The following GALNT13 variants were observed in gnomAD, a reference collection of about 807,000 sequenced individuals.
GALNT13 encodes UDP-GalNAc:polypeptide N-acetylgalactosaminyltransferase 13.
Under a neutral mutation model 64.2 loss-of-function variants are expected in GALNT13, and 28 were observed. The observed-to-expected ratio is 0.44, with a 90% CI of 0.32 to 0.60. The LOEUF (loss-of-function observed/expected upper bound fraction) is 0.60, where lower values mean the gene tolerates loss of function less well. Ranked by LOEUF, GALNT13 falls within the 20% of genes least tolerant of loss-of-function variation. The probability of loss-of-function intolerance (pLI) is 0.05; values close to 1 mark genes in which losing one functional copy is unlikely to be tolerated. For synonymous variants in GALNT13, 214 were observed against 224.6 expected (o/e 0.95, Z 0.42); for missense variants, 577 against 669.8 (o/e 0.86, Z 1.53).
chr2:154,099,749 G>A (rs1173422017), intron 3 of GALNT13, among the ~76,000 whole-genome samples: 2 of 152,044 alleles, frequency 1.3e-5, no homozygotes, highest in African/African-American at 4.8e-5. Flanking sequence ...ACCAGCTCAG[G>A]AAACACAGTG....
intron 9 of GALNT13, among the ~76,000 whole-genome samples, chr2:154,387,568 C>T (rs1041230402): frequency 3.3e-5 from 5 of 152,074 alleles, no homozygotes; most frequent in African/African-American, 9.7e-5. Context: ...TTAATAACTC[C>T]TCATTCCTCC....
chr2:153,842,335 T>C, the GALNT13 span, among the ~76,000 whole-genome samples: 11 of 152,088 alleles, frequency 7.2e-5, no homozygotes, highest in African/African-American at 2.4e-4. Context: ...AGTAAGAAAC[T>C]GAGTAGAAAT....
At chr2:153,198,889 G>C in the GALNT13 span, among the ~76,000 whole-genome samples, 1 of 152,118 alleles carries the variant, frequency 6.6e-6, no homozygotes, top group Non-Finnish European at 1.5e-5. Context: ...TCTGTCCCTG[G>C]GGCACAGGCC....
chr2:154,016,791 CA>C (rs1448095500), intron 3 of GALNT13, among the ~76,000 whole-genome samples: 1 of 151,928 alleles, frequency 6.6e-6, no homozygotes, highest in Non-Finnish European at 1.5e-5. Flanking sequence ...AACTGAACAA[CA>C]ATAATAATTT....
the GALNT13 span, among the ~76,000 whole-genome samples, chr2:153,272,147 A>G: frequency 4.2e-3 from 640 of 152,326 alleles, 5 homozygotes; most frequent in African/African-American, 0.015. Context: ...AAGACCTAAA[A>G]CCATAAAAAC....
At chr2:153,505,663 T>A in the GALNT13 span, among the ~76,000 whole-genome samples, 1 of 152,010 alleles carries the variant, frequency 6.6e-6, no homozygotes, top group Non-Finnish European at 1.5e-5. Context: ...ATATGCATGG[T>A]TTTGAGGGTT....
the GALNT13 span, among the ~76,000 whole-genome samples, chr2:153,225,335 TA>T: frequency 1.3e-5 from 2 of 152,196 alleles, no homozygotes; most frequent in Non-Finnish European, 1.5e-5. Context: ...ATAAAGCAGA[TA>T]AAGGACAACC....
At chr2:153,247,179 A>G in the GALNT13 span, among the ~76,000 whole-genome samples, 2 of 152,200 alleles carry the variant, frequency 1.3e-5, no homozygotes, top group South Asian at 2.1e-4. Flanking sequence ...TTCTCACATA[A>G]TAATAGTGGG....
At chr2:153,802,844 A>G in the GALNT13 span, among the ~76,000 whole-genome samples, 1 of 152,236 alleles carries the variant, frequency 6.6e-6, no homozygotes, top group Admixed American at 6.5e-5. Context: ...GTCAAAATAG[A>G]AGCTCAGGCT....
the GALNT13 span, among the ~76,000 whole-genome samples, chr2:153,588,905 C>T: frequency 2.6e-5 from 4 of 152,124 alleles, no homozygotes; most frequent in Non-Finnish European, 2.9e-5. Flanking sequence ...TGGTGGCTAA[C>T]GCCTGTAATC....
the GALNT13 span, among the ~76,000 whole-genome samples, chr2:153,384,497 A>G: frequency 1.3e-5 from 2 of 151,980 alleles, no homozygotes; most frequent in Non-Finnish European, 2.9e-5. Context: ...ATAAAGTAGG[A>G]AATGTTGTCC....
chr2:153,630,807 ATTTTTTTTTTTT>A, the GALNT13 span, among the ~76,000 whole-genome samples: 3 of 21,992 alleles, frequency 1.4e-4, no homozygotes, highest in Admixed American at 8.2e-4. Flanking sequence ...ATATATATAT[ATTTTTTTTTTTT>A]TTTTTATTAT....
At chr2:153,329,871 C>A in the GALNT13 span, among the ~76,000 whole-genome samples, 3 of 152,082 alleles carry the variant, frequency 2.0e-5, no homozygotes. Flanking sequence ...TCCAGAATGG[C>A]GTTTCCTGGG....
intron 9 of GALNT13, among the ~76,000 whole-genome samples, chr2:154,367,431 C>A (rs1156504111): frequency 6.6e-6 from 1 of 152,186 alleles, no homozygotes; most frequent in Non-Finnish European, 1.5e-5. Context: ...TTATGTACGT[C>A]CCTACCTGGA....
At chr2:153,428,804 G>A in the GALNT13 span, among the ~76,000 whole-genome samples, 3 of 152,158 alleles carry the variant, frequency 2.0e-5, no homozygotes, top group Non-Finnish European at 2.9e-5. Context: ...AATTATGTTT[G>A]TAAAGGGGAA....
chr2:153,496,916 C>A, the GALNT13 span, among the ~76,000 whole-genome samples: 1 of 148,982 alleles, frequency 6.7e-6, no homozygotes, highest in Middle Eastern at 3.2e-3. Flanking sequence ...ATCGCTTGAA[C>A]CCCAGAGGCG....
intron 4 of GALNT13, among the ~76,000 whole-genome samples, chr2:154,210,061 A>G (rs1478670783): frequency 1.3e-5 from 2 of 152,136 alleles, no homozygotes; most frequent in Non-Finnish European, 2.9e-5. Flanking sequence ...TGAATGTTTT[A>G]GATTCCACTC....
At chr2:153,519,821 C>G in the GALNT13 span, among the ~76,000 whole-genome samples, 1 of 152,056 alleles carries the variant, frequency 6.6e-6, no homozygotes, top group African/African-American at 2.4e-5. Context: ...ACATTTTATT[C>G]CTTTGGGTTT....
chr2:153,873,508 G>T (rs758854021), intron 1 of GALNT13, among the ~76,000 whole-genome samples: 1 of 152,180 alleles, frequency 6.6e-6, no homozygotes, highest in African/African-American at 2.4e-5. Context: ...AAACATAGAT[G>T]CTTTGGGGTT....
Sources: gnomAD v4.1 joint callset for allele counts (sites outside exome capture counted in the v4.1 genomes callset) on GRCh38, gnomAD v4.1.1 for gene constraint, MANE v1.5 for transcripts, NCBI Gene and HGNC (gene_info 2026-07-23, HGNC 2026-07-21) for gene names.